The following TAFA4 variants were observed in gnomAD, a reference collection of about 807,000 sequenced individuals.
TAFA4 encodes the protein chemokine-like protein TAFA-4.
TAFA4 carries 20 observed loss-of-function variants against 21.1 expected under a neutral mutation model. That is an observed-to-expected ratio of 0.95 (90% CI 0.67 to 1.38). The LOEUF is 1.38. Ranked by LOEUF, TAFA4 falls within the 40% of genes most tolerant of loss-of-function variation. TAFA4 has a pLI of 0.00. For missense variants in TAFA4, 211 were observed against 180.9 expected (o/e 1.17, Z -0.95); for synonymous variants, 71 against 67.4 (o/e 1.05, Z -0.26).
chr3:68,822,942 C>T (rs1704145140), intron 3 of TAFA4, among the ~76,000 whole-genome samples: 1 of 152,150 alleles, frequency 6.6e-6, no homozygotes, highest in South Asian at 2.1e-4. Flanking sequence ...CGCAAATAAA[C>T]TCAGTTGGGT....
intron 3 of TAFA4, among the ~76,000 whole-genome samples, chr3:68,753,567 C>G (rs1320080453): frequency 1.3e-5 from 2 of 151,988 alleles, no homozygotes; most frequent in Non-Finnish European, 2.9e-5. Flanking sequence ...AACTCCTGAC[C>G]TCAAGTGATC....
chr3:68,858,395 T>C (rs957888148), intron 3 of TAFA4, among the ~76,000 whole-genome samples: 1 of 142,362 alleles, frequency 7.0e-6, no homozygotes, highest in Non-Finnish European at 1.5e-5. Context: ...GCAGTGTACC[T>C]CCTATTTTAA....
chr3:68,911,139 G>A (rs1575669600), intron 1 of TAFA4, among the ~76,000 whole-genome samples: 1 of 152,334 alleles, frequency 6.6e-6, no homozygotes, highest in East Asian at 1.9e-4. Flanking sequence ...TGAAAGCAAA[G>A]ACACTGCTGA....
chr3:68,905,149 CCTTTT>C (rs2089886622), intron 1 of TAFA4, among the ~76,000 whole-genome samples: 1 of 122,048 alleles, frequency 8.2e-6, no homozygotes, highest in Non-Finnish European at 1.6e-5. Context: ...AAGATTTCTG[CCTTTT>C]TTTTTTTTTT....
At chr3:68,748,755 A>C (rs1469942341) in intron 4 of TAFA4, among the ~76,000 whole-genome samples, 1 of 152,182 alleles carries the variant, frequency 6.6e-6, no homozygotes, top group African/African-American at 2.4e-5. Flanking sequence ...AAAAAAAAAA[A>C]AAAAAGTGAT....
chr3:68,879,369 G>T (rs1168037694), intron 3 of TAFA4, among the ~76,000 whole-genome samples: 1 of 152,116 alleles, frequency 6.6e-6, no homozygotes, highest in Non-Finnish European at 1.5e-5. Context: ...ACATTGCAAG[G>T]ATCATGGACT....
intron 3 of TAFA4, among the ~76,000 whole-genome samples, chr3:68,843,887 A>C (rs1481099300): frequency 6.6e-6 from 1 of 152,228 alleles, no homozygotes; most frequent in Non-Finnish European, 1.5e-5. Flanking sequence ...GTGGTGAATT[A>C]GCTTTTTGAT....
Position 68,732,783 on chromosome 3 carries a change from A to T in TAFA4, c.*359T>A, listed in dbSNP as rs1366188932. 4.2e-6 allele frequency: 1 copy of T among 237,300 alleles called. No individual in the cohort carries two copies. Among genetic ancestry groups the T allele is most frequent in the Admixed American group, 5.4e-5 (1 of 18,648 alleles). 14.7% of individuals were successfully genotyped at this position (237,300 alleles called of 1,614,324 possible). Reference sequence around the variant, plus strand: ...AGGAACAGAATGAGGACCCTTTGGAACATACATCCAAGTTCTTTTGTAAAA... The same window carrying T: ...AGGAACAGAATGAGGACCCTTTGGATCATACATCCAAGTTCTTTTGTAAAA... On this transcript the variant is annotated 3_prime_UTR_variant, in exon 6 of 6. Coordinates refer to ENST00000295569, the MANE Select transcript of TAFA4 (RefSeq NM_182522.5).
intron 3 of TAFA4, among the ~76,000 whole-genome samples, chr3:68,753,563 T>C (rs1702602006): frequency 6.6e-6 from 1 of 152,180 alleles, no homozygotes; most frequent in Non-Finnish European, 1.5e-5. Context: ...CTCGAACTCC[T>C]GACCTCAAGT....
chr3:68,887,504 G>A (rs112315906), intron 1 of TAFA4, among the ~76,000 whole-genome samples: 1,701 of 152,244 alleles, frequency 0.011, 13 homozygotes, highest in Non-Finnish European at 0.017. Flanking sequence ...CATGCTCTCT[G>A]TGGTGGCTCC....
chr3:68,750,643 C>G (rs1485610013), intron 4 of TAFA4, among the ~76,000 whole-genome samples: 1 of 152,082 alleles, frequency 6.6e-6, no homozygotes. Flanking sequence ...AGATAGTTTG[C>G]GGTAAGGTAT....
chr3:68,913,077 G>A (rs567645930), intron 1 of TAFA4, among the ~76,000 whole-genome samples: 45 of 152,252 alleles, frequency 3.0e-4, no homozygotes, highest in African/African-American at 9.9e-4. Flanking sequence ...GAATTAACAC[G>A]AAAAGACTTT....
At chr3:68,809,556 C>G (rs1316406948) in intron 3 of TAFA4, among the ~76,000 whole-genome samples, 1 of 123,570 alleles carries the variant, frequency 8.1e-6, no homozygotes, top group Non-Finnish European at 1.7e-5. Context: ...CAGAAGTTCT[C>G]TAGTTTGATG....
At position 68,917,753 on chromosome 3, in the gene TAFA4, C is replaced by CAAAAAAAA. The variant is rs55853026; in HGVS notation, c.-123+14479_-123+14486dup. 7.4e-3 allele frequency among the ~76,000 whole-genome samples: 428 copies of CAAAAAAAA among 58,122 alleles called. 26 individuals carry two copies. The highest frequency in any genetic ancestry group is 0.021 in the African/African-American group (326 of 15,478). The allele number at this position is 58,122 out of a possible 152,430, so 38.1% of individuals were successfully genotyped here. On this transcript the variant is annotated intron_variant, in intron 1 of 5. Coordinates refer to ENST00000295569, the MANE Select transcript of TAFA4 (RefSeq NM_182522.5). The stretch of plus-strand genomic sequence containing the variant: ...TGGACGACAGAGCGAGACTCTGTCT[C>CAAAAAAAA]AAAAAAAAAAAAAAAAAAAAGAAAG...
intron 1 of TAFA4, among the ~76,000 whole-genome samples, chr3:68,886,650 T>G (rs1246776682): frequency 6.6e-6 from 1 of 152,208 alleles, no homozygotes; most frequent in Non-Finnish European, 1.5e-5. Flanking sequence ...TGCGACCTAA[T>G]AGTTCATATG....
At chr3:68,795,184 G>C (rs953798716) in intron 3 of TAFA4, among the ~76,000 whole-genome samples, 5 of 151,510 alleles carry the variant, frequency 3.3e-5, no homozygotes, top group African/African-American at 9.7e-5. Flanking sequence ...GACTCAAAGA[G>C]GTGAAGATCT....
chr3:68,886,316 C>T (rs2089672048), intron 1 of TAFA4, among the ~76,000 whole-genome samples: 1 of 152,074 alleles, frequency 6.6e-6, no homozygotes, highest in Non-Finnish European at 1.5e-5. Flanking sequence ...GTAATTAGTT[C>T]AACAAGAGAG....
chr3:68,810,268 C>T (rs567831187), intron 3 of TAFA4, among the ~76,000 whole-genome samples: 6 of 152,256 alleles, frequency 3.9e-5, no homozygotes, highest in Admixed American at 3.3e-4. Context: ...TGGGTGATTT[C>T]TGCATTTCCA....
chr3:68,825,781 T>C (rs1298017032), intron 3 of TAFA4, among the ~76,000 whole-genome samples: 1 of 152,200 alleles, frequency 6.6e-6, no homozygotes, highest in Non-Finnish European at 1.5e-5. Flanking sequence ...TCTGCCCTTC[T>C]ATGCAAGGCT....
Sources: gnomAD v4.1 joint callset for allele counts (sites outside exome capture counted in the v4.1 genomes callset) on GRCh38, gnomAD v4.1.1 for gene constraint, MANE v1.5 for transcripts, NCBI Gene and HGNC (gene_info 2026-07-23, HGNC 2026-07-21) for gene names.